The following ROBO2 variants were observed in gnomAD, a reference collection of about 807,000 sequenced individuals.
The protein encoded by ROBO2 is roundabout homolog 2.
ROBO2 carries 53 observed loss-of-function variants against 160.8 expected under a neutral mutation model. The ratio of observed to expected loss-of-function variants is 0.33; its 90% CI spans 0.26 to 0.41. ROBO2 has a LOEUF of 0.41. ROBO2 is among the 10% of genes least tolerant of loss of function. The pLI is 1.00. For synonymous variants in ROBO2, 664 were observed against 611.7 expected, an observed-to-expected ratio of 1.09 and a Z score of -1.26; for missense variants, 1,577 against 1,722.4, an observed-to-expected ratio of 0.92 and a Z score of 1.49.
At chr3:76,024,369 TTA>T (rs1276330240) in intron 2 of ROBO2, among the ~76,000 whole-genome samples, 4 of 58,232 alleles carry the variant, frequency 6.9e-5, no homozygotes, top group Non-Finnish European at 8.9e-5. Flanking sequence ...GTTTTAGAAC[TTA>T]TTTTTTTTTT....
chr3:76,620,949 C>G (rs1431939948), intron 2 of ROBO2, among the ~76,000 whole-genome samples: 1 of 152,118 alleles, frequency 6.6e-6, no homozygotes, highest in African/African-American at 2.4e-5. Flanking sequence ...ATATCCAAAT[C>G]ATTAGAAACA....
chr3:77,037,563 A>G (rs1333484671), upstream of ROBO2, among the ~76,000 whole-genome samples: 1 of 152,192 alleles, frequency 6.6e-6, no homozygotes, highest in Non-Finnish European at 1.5e-5. Context: ...CTACACAAGG[A>G]TAACTTTCTA....
intron 2 of ROBO2, among the ~76,000 whole-genome samples, chr3:77,025,158 A>G (rs2062885184): frequency 1.3e-5 from 2 of 152,292 alleles, no homozygotes; most frequent in Non-Finnish European, 2.9e-5. Flanking sequence ...TTTAAAAATA[A>G]TGAAAACGTT....
At chr3:77,231,348 G>T (rs892564294) in intron 2 of ROBO2, among the ~76,000 whole-genome samples, 2 of 119,804 alleles carry the variant, frequency 1.7e-5, no homozygotes, top group African/African-American at 6.4e-5. Flanking sequence ...GGGCAGCAGT[G>T]AGTGAGACTC....
At chr3:77,190,202 G>C (rs1235521279) in intron 2 of ROBO2, among the ~76,000 whole-genome samples, 1 of 151,762 alleles carries the variant, frequency 6.6e-6, no homozygotes, top group African/African-American at 2.4e-5. Flanking sequence ...ATTAAACATG[G>C]GTTGTATTCC....
intron 2 of ROBO2, among the ~76,000 whole-genome samples, chr3:76,959,493 G>T (rs2079500977): frequency 6.6e-6 from 1 of 152,150 alleles, no homozygotes; most frequent in South Asian, 2.1e-4. Flanking sequence ...GTACTGAAGT[G>T]ACACCATTTG....
chr3:76,914,052 C>T (rs73102476), intron 2 of ROBO2, among the ~76,000 whole-genome samples: 16,330 of 152,008 alleles, frequency 0.11, 1,559 homozygotes, highest in African/African-American at 0.25. Context: ...AAATGTAAAA[C>T]AAATTGGAAT....
intron 2 of ROBO2, among the ~76,000 whole-genome samples, chr3:76,286,480 G>A (rs1708511632): frequency 6.6e-6 from 1 of 152,140 alleles, no homozygotes; most frequent in South Asian, 2.1e-4. Context: ...GATAAAAAAA[G>A]AGGGACAATA....
At chr3:76,927,763 A>G (rs9838844) in intron 2 of ROBO2, among the ~76,000 whole-genome samples, 5,045 of 152,218 alleles carry the variant, frequency 0.033, 279 homozygotes, top group African/African-American at 0.12. Context: ...TCTATTTTCT[A>G]TCTTTGAGTC....
intron 2 of ROBO2, among the ~76,000 whole-genome samples, chr3:77,401,926 T>C (rs2075831670): frequency 6.6e-6 from 1 of 152,122 alleles, no homozygotes; most frequent in Admixed American, 6.6e-5. Flanking sequence ...CTCTCCAGCA[T>C]CTGTATATAC....
intron 2 of ROBO2, among the ~76,000 whole-genome samples, chr3:75,964,428 T>A (rs1949033137): frequency 1.3e-5 from 2 of 151,680 alleles, no homozygotes; most frequent in African/African-American, 4.8e-5. Flanking sequence ...TTTATTATTT[T>A]TGATCCCCTG....
chr3:77,163,398 T>A (rs1277117289), intron 2 of ROBO2, among the ~76,000 whole-genome samples: 2 of 152,244 alleles, frequency 1.3e-5, no homozygotes, highest in Non-Finnish European at 2.9e-5. Context: ...TAGCTGATTC[T>A]GATGGTAGTC....
intron 2 of ROBO2, among the ~76,000 whole-genome samples, chr3:76,948,824 C>A (rs1478456895): frequency 2.2e-5 from 3 of 139,494 alleles, no homozygotes; most frequent in Non-Finnish European, 4.6e-5. Context: ...TCTGCCTCAG[C>A]CTCCCAAGTA....
At chr3:77,133,020 TA>T (rs1490112507) in intron 2 of ROBO2, among the ~76,000 whole-genome samples, 11 of 152,148 alleles carry the variant, frequency 7.2e-5, no homozygotes, top group Non-Finnish European at 1.6e-4. Flanking sequence ...CATGTACAGT[TA>T]GCTACGAATA....
At chr3:77,370,582 G>T (rs1196475054) in intron 2 of ROBO2, among the ~76,000 whole-genome samples, 5 of 152,232 alleles carry the variant, frequency 3.3e-5, no homozygotes, top group Non-Finnish European at 5.9e-5. Context: ...GTGGAAGACT[G>T]TGCTTTAGAG....
intron 2 of ROBO2, among the ~76,000 whole-genome samples, chr3:76,128,183 C>T (rs940080240): frequency 3.4e-4 from 51 of 152,044 alleles, no homozygotes; most frequent in African/African-American, 9.9e-4. Flanking sequence ...CATGAGCCAC[C>T]GCACCCCACC....
At chr3:76,736,047 G>A (rs1402261784) in intron 2 of ROBO2, among the ~76,000 whole-genome samples, 1 of 151,840 alleles carries the variant, frequency 6.6e-6, no homozygotes, top group African/African-American at 2.4e-5. Flanking sequence ...ACTTTGGGAG[G>A]CCGAGGCGGG....
At chr3:76,254,771 G>A (rs1389268464) in intron 2 of ROBO2, among the ~76,000 whole-genome samples, 1 of 151,752 alleles carries the variant, frequency 6.6e-6, no homozygotes, top group Non-Finnish European at 1.5e-5. Flanking sequence ...ATAAAACTGA[G>A]GGAACATCAA....
chr3:75,936,288 A>G (rs1947778924), intron 1 of ROBO2, among the ~76,000 whole-genome samples: 1 of 152,210 alleles, frequency 6.6e-6, no homozygotes, highest in African/African-American at 2.4e-5. Flanking sequence ...AAAGGGAGAA[A>G]GAAAACTTCT....
Sources: gnomAD v4.1 joint callset for allele counts (sites outside exome capture counted in the v4.1 genomes callset) on GRCh38, gnomAD v4.1.1 for gene constraint, MANE v1.5 for transcripts, NCBI Gene and HGNC (gene_info 2026-07-23, HGNC 2026-07-21) for gene names.